KNTC1: variants seen among roughly 807,000 people sequenced by gnomAD.
KNTC1 encodes the protein kinetochore associated 1, also known as kinetochore-associated protein 1.
In KNTC1, 253 loss-of-function variants were observed where a neutral mutation model predicts 314.4. The ratio of observed to expected loss-of-function variants is 0.80; its 90% CI spans 0.73 to 0.89. The LOEUF (loss-of-function observed/expected upper bound fraction) is 0.89, where lower values mean the gene tolerates loss of function less well. KNTC1 is among the 40% of genes least tolerant of loss of function. The pLI, the probability that KNTC1 is intolerant of heterozygous loss-of-function variation, is 0.00. For synonymous variants in KNTC1, 901 were observed against 901.4 expected (o/e 1.00, Z 0.01); for missense variants, 2,475 against 2,572.9 (o/e 0.96, Z 0.82).
Position 122,586,748 on chromosome 12 carries a change from CT to C in KNTC1, c.3723del (p.Asn1242MetfsTer11). The C allele has an allele frequency of 7.0e-7, 1 of 1,432,026 alleles. No homozygotes were observed. The highest frequency in any genetic ancestry group is 1.5e-5 in the South Asian group (1 of 65,836). The allele number at this position is 1,432,026 out of a possible 1,614,324, so 88.7% of individuals were successfully genotyped here. ...GTCTACCAGTTTGCCATACTGCTCC[CT>C]TAATGAAGGTATTTGGCACAAGAAA... is the stretch of plus-strand genomic sequence containing the variant. ...LESTSLPYCS[L>X]NEGDGLVLPV... On this transcript the variant is annotated frameshift_variant, in exon 38 of 64. Transcript: ENST00000333479. LOFTEE classifies it high-confidence loss of function.
Position 122,584,298 on chromosome 12 carries a change from G to T in KNTC1, c.3284G>T (p.Cys1095Phe), listed in dbSNP as rs781184317. Residue 1095 changes from cysteine to phenylalanine, a missense_variant, in exon 35 of 64, where the codon TGC becomes TTC. Physicochemically the swap from Cys to Phe is radical, Grantham distance 205 (BLOSUM62 -2). Transcript: ENST00000333479. ...KKCSDLFKYH[C>F]NADTGKLLFL... is the part of the protein sequence containing the mutation. ...CAAAGCGACTTGTTTAAGTATCACT[G>T]CAATGCTGACACTGGGAAATTGCTA... 2 of 1,612,664 alleles carry T rather than the reference G, an allele frequency of 1.2e-6. No homozygotes were observed. Among genetic ancestry groups the T allele is most frequent in the South Asian group, 2.2e-5 (2 of 90,880 alleles).
intron 31 of KNTC1, among the ~76,000 whole-genome samples, chr12:122,579,318 C>T (rs1965244729): frequency 6.6e-6 from 1 of 151,876 alleles, no homozygotes. Flanking sequence ...CCTGCCTCGG[C>T]CTCCCAAAGT....
chr12:122,577,454 C>T (rs1308566380), intron 30 of KNTC1, among the ~76,000 whole-genome samples: 3 of 152,054 alleles, frequency 2.0e-5, no homozygotes, highest in African/African-American at 4.8e-5. Context: ...CAGCAAACCA[C>T]CATGGCACAT....
rs531871546 is a variant in KNTC1, at chr12:122,613,840, T to G, written c.5877+79T>G. 63 of 1,401,528 alleles carry G rather than the reference T, an allele frequency of 4.5e-5. No homozygotes were observed. In the African/African-American group the frequency reaches 8.0e-4, roughly 18 times the overall value. The allele number at this position is 1,401,528 out of a possible 1,614,324, so 86.8% of individuals were successfully genotyped here. Reference sequence around the variant, plus strand: ...GAAAGAGAAAACCAGGAACAGTCTTTTTGTTGTTGTTGTTGTTGGGGACAG... The same window carrying G: ...GAAAGAGAAAACCAGGAACAGTCTTGTTGTTGTTGTTGTTGTTGGGGACAG... On this transcript the variant is annotated intron_variant, in intron 55 of 63. Transcript: ENST00000333479.
intron 37 of KNTC1, 44 bp downstream of exon 37, chr12:122,585,818 A>G: frequency 6.3e-7 from 1 of 1,593,492 alleles, no homozygotes; most frequent in Non-Finnish European, 8.6e-7. Flanking sequence ...TTTCTGTCTT[A>G]TGTAAATTTA....
At chr12:122,572,476 A>G (rs1390126251) in intron 24 of KNTC1, among the ~76,000 whole-genome samples, 3 of 152,128 alleles carry the variant, frequency 2.0e-5, no homozygotes, top group African/African-American at 7.2e-5. Context: ...CTGTCAAGTC[A>G]CCTTTTCTAT....
intron 44 of KNTC1, among the ~76,000 whole-genome samples, chr12:122,601,070 CTTTATTTT>C (rs1361474498): frequency 6.6e-6 from 1 of 151,936 alleles, no homozygotes; most frequent in Admixed American, 6.6e-5. Flanking sequence ...AATTGTAGCT[CTTTATTTT>C]TTTATTTTTA....
intron 20 of KNTC1, chr12:122,563,643 G>T: frequency 1.7e-6 from 1 of 598,760 alleles, no homozygotes; most frequent in Non-Finnish European, 2.4e-6. Flanking sequence ...GAGAAGGGCA[G>T]ATCTCCATAT....
In KNTC1 at chr12:122,620,572, C is replaced by T. The variant is rs35974514; in HGVS notation, c.6243C>T (p.Leu2081=). ...LPAFALACLM[L]MPHSEKRHQQ... ...CTTTTGCATTAGCTTGTCTGATGCT[C>T]ATGCCCCACTCAGAGAAAAGACACC... Residue 2081 remains leucine (L), a synonymous_variant, in exon 60 of 64, where the codon CTC becomes CTT. Coordinates refer to ENST00000333479, the MANE Select transcript of KNTC1 (RefSeq NM_014708.6). The T allele has an allele frequency of 1.5e-5, 25 of 1,613,492 alleles. No individual in the cohort carries two copies. In the African/African-American group the frequency reaches 2.4e-4, roughly 16 times the overall value.
chr12:122,561,982 C>A lies in KNTC1; in HGVS notation c.1542+8C>A. 1.9e-6 allele frequency: 3 copies of A among 1,594,940 alleles called. No homozygotes were observed. The highest frequency in any genetic ancestry group is 8.6e-7 in the Non-Finnish European group (1 of 1,167,390). On this transcript the variant is annotated splice_region_variant and intron_variant, in intron 19 of 63. Transcript: ENST00000333479. ...TCTGATGGCTTGAAAGAGGTAATTA[C>A]ACTAGATTTCTAGGTTAATATGTGG...
At chr12:122,584,240 T>G (rs369204776) in intron 34 of KNTC1, 38 bp from the exon 35 acceptor site, 46 of 1,474,644 alleles carry the variant, frequency 3.1e-5, no homozygotes, top group Non-Finnish European at 4.1e-5. Flanking sequence ...ACTTTCAATG[T>G]GAGTATTCTA....
intron 25 of KNTC1, 41 bp from the exon 26 acceptor site, chr12:122,573,101 G>T (rs770124604): frequency 6.2e-7 from 1 of 1,613,426 alleles, no homozygotes; most frequent in Non-Finnish European, 8.5e-7. Flanking sequence ...TCAAGTTATG[G>T]GTAGAGTCTG....
intron 24 of KNTC1, 62 bp downstream of exon 24, chr12:122,571,188 G>A: frequency 6.4e-6 from 8 of 1,245,042 alleles, no homozygotes; most frequent in Non-Finnish European, 9.4e-6. Context: ...GGGTTTGTCT[G>A]CATGTATGTG....
Position 122,622,566 on chromosome 12 carries a change from C to A in KNTC1, c.6474C>A (p.Asn2158Lys). 6.4e-7 allele frequency: 1 copy of A among 1,564,854 alleles called. No homozygotes were observed. Among genetic ancestry groups the A allele is most frequent in the Non-Finnish European group, 8.7e-7 (1 of 1,153,736 alleles). ...TGAAGATGCATGCGATGAATACCAA[C>A]AATATCACTGAGCTAGTGAACTATT... ...QMLKMHAMNT[N>K]NITELVNYLA... Residue 2158 changes from asparagine to lysine, a missense_variant, in exon 62 of 64, where the codon AAC becomes AAA. Physicochemically the swap from Asn to Lys is moderately conservative, Grantham distance 94. Transcript: ENST00000333479.
chr12:122,563,815 C>A, intron 20 of KNTC1: 1 of 1,465,288 alleles, frequency 6.8e-7, no homozygotes, highest in Non-Finnish European at 9.1e-7. Flanking sequence ...TCAGCTTCAG[C>A]AGGAGGCAAA....
intron 8 of KNTC1, 130 bp from the exon 9 acceptor site, chr12:122,546,046 C>T (rs1962734330): frequency 1.6e-6 from 1 of 633,516 alleles, no homozygotes; most frequent in East Asian, 3.0e-5. Context: ...GAAGATGAAA[C>T]CTAGTTAAGT....
chr12:122,539,783 G>T, intron 5 of KNTC1, 29 bp downstream of exon 5: 13 of 1,293,190 alleles, frequency 1.0e-5, no homozygotes, highest in East Asian at 2.7e-5. Flanking sequence ...TTTTTTGAAT[G>T]ACTTTTTTTT....
At chr12:122,541,588 A>G (rs548474044) in intron 5 of KNTC1, among the ~76,000 whole-genome samples, 3 of 151,056 alleles carry the variant, frequency 2.0e-5, no homozygotes, top group African/African-American at 4.9e-5. Flanking sequence ...CTCGTGATCT[A>G]CCTGCCTTGG....
At chr12:122,530,781 A>G (rs1431203010) in intron 2 of KNTC1, among the ~76,000 whole-genome samples, 1 of 152,168 alleles carries the variant, frequency 6.6e-6, no homozygotes, top group African/African-American at 2.4e-5. Context: ...GACTTAGGAA[A>G]TAAAATGTTA....
Sources: allele counts gnomAD v4.1 joint callset (sites outside exome capture counted in the v4.1 genomes callset), GRCh38; gene constraint gnomAD v4.1.1; transcripts MANE v1.5; gene names NCBI Gene and HGNC (gene_info 2026-07-23, HGNC 2026-07-21).